The following SULF2 variants were observed in gnomAD, a reference collection of about 807,000 sequenced individuals.
SULF2 encodes the protein extracellular sulfatase Sulf-2.
In SULF2, 52 loss-of-function variants were observed where a neutral mutation model predicts 107.7. The observed-to-expected ratio is 0.48, with a 90% confidence interval of 0.39 to 0.61. SULF2 has a LOEUF of 0.61. Ranked by LOEUF, SULF2 falls within the 20% of genes least tolerant of loss-of-function variation. The pLI is 0.00. For missense variants in SULF2, 993 were observed against 1,177.3 expected (o/e 0.84, Z 2.29); for synonymous variants, 460 against 464.3 (o/e 0.99, Z 0.12).
intron 3 of SULF2, chr20:47,706,556 T>C (rs966650875): frequency 6.6e-6 from 1 of 152,212 alleles, no homozygotes; most frequent in African/African-American, 2.4e-5. Context: ...ATGGAGGGCC[T>C]GGTTAGGTCC....
chr20:47,709,089 A>C (rs886865003), intron 3 of SULF2, among the ~76,000 whole-genome samples: 17 of 152,184 alleles, frequency 1.1e-4, no homozygotes, highest in African/African-American at 4.1e-4. Flanking sequence ...TGGGAGAAGC[A>C]AATTAGCATG....
chr20:47,660,644 T>C (rs1038125018), intron 18 of SULF2, among the ~76,000 whole-genome samples: 2 of 152,142 alleles, frequency 1.3e-5, no homozygotes, highest in Non-Finnish European at 2.9e-5. Flanking sequence ...GCGACAGCTC[T>C]GTCTCCCAGG....
intron 11 of SULF2, among the ~76,000 whole-genome samples, chr20:47,671,961 C>T (rs1199271311): frequency 3.9e-5 from 6 of 152,186 alleles, no homozygotes; most frequent in East Asian, 1.9e-4. Flanking sequence ...CTGCCTGCCT[C>T]GGACTCCCAA....
chr20:47,665,182 C>G lies in SULF2; in HGVS notation c.1997+17G>C, dbSNP rs906205176. On this transcript the variant is annotated intron_variant, in intron 14 of 20. Coordinates refer to ENST00000688720, the MANE Select transcript of SULF2 (RefSeq NM_001387048.1). The stretch of plus-strand genomic sequence containing the variant: ...GGAGAGTGGGGTCTTAGGGAGGTCC[C>G]TTTGCTACTGCCTCACCTGATTTTG... The G allele has an allele frequency of 1.3e-6, 2 of 1,590,336 alleles. No homozygotes were observed. Among genetic ancestry groups the G allele is most frequent in the African/African-American group, 2.7e-5 (2 of 74,432 alleles).
chr20:47,659,588 AG>A, intron 19 of SULF2, 108 bp downstream of exon 19: 1 of 1,346,226 alleles, frequency 7.4e-7, no homozygotes, highest in African/African-American at 1.4e-5. Context: ...GGCAGACCAG[AG>A]GGAAGGGCAG....
At chr20:47,685,005 T>C (rs1319428661) in intron 5 of SULF2, 1 of 157,796 alleles carries the variant, frequency 6.3e-6, no homozygotes, top group African/African-American at 2.4e-5. Flanking sequence ...TTCCATAGCA[T>C]TGCTTTGTGT....
intron 3 of SULF2, among the ~76,000 whole-genome samples, chr20:47,733,374 T>G (rs1341905646): frequency 1.9e-4 from 29 of 152,190 alleles, no homozygotes; most frequent in Admixed American, 1.9e-3. Flanking sequence ...TTTCAATTTG[T>G]GAAACACATT....
At chr20:47,731,180 A>ATTTTTTTTTTTTTTTT (rs2089591559) in intron 3 of SULF2, among the ~76,000 whole-genome samples, 2 of 109,990 alleles carry the variant, frequency 1.8e-5, no homozygotes, top group Non-Finnish European at 3.4e-5. Flanking sequence ...ACTCACCTGT[A>ATTTTTTTTTTTTTTTT]TCTTCTCTTT....
At chr20:47,668,839 C>T (rs1197869562) in intron 11 of SULF2, among the ~76,000 whole-genome samples, 4 of 152,158 alleles carry the variant, frequency 2.6e-5, no homozygotes, top group African/African-American at 4.8e-5. Context: ...GTGCTTCTCA[C>T]CACCCTCGGC....
intron 3 of SULF2, among the ~76,000 whole-genome samples, chr20:47,735,266 T>C (rs2089701470): frequency 6.6e-6 from 1 of 152,116 alleles, no homozygotes; most frequent in Non-Finnish European, 1.5e-5. Context: ...CACCCAGAGG[T>C]TGTGAAAAGA....
At chr20:47,667,615 C>T (rs2087320003) in intron 11 of SULF2, among the ~76,000 whole-genome samples, 1 of 152,156 alleles carries the variant, frequency 6.6e-6, no homozygotes, top group Non-Finnish European at 1.5e-5. Context: ...CTGTTGGCCA[C>T]AGCCCCCGCC....
intron 20 of SULF2, among the ~76,000 whole-genome samples, chr20:47,658,785 G>A (rs555145322): frequency 6.6e-5 from 10 of 152,286 alleles, no homozygotes; most frequent in South Asian, 6.2e-4. Flanking sequence ...CACCAAGGGC[G>A]ATAATTTGCC....
intron 2 of SULF2, among the ~76,000 whole-genome samples, chr20:47,748,495 T>C (rs556129322): frequency 9.8e-4 from 150 of 152,332 alleles, no homozygotes; most frequent in African/African-American, 3.4e-3. Flanking sequence ...GTGACTTTAT[T>C]TTCAATGCAC....
At chr20:47,740,544 A>AG (rs1440166158) in intron 2 of SULF2, among the ~76,000 whole-genome samples, 1 of 152,148 alleles carries the variant, frequency 6.6e-6, no homozygotes, top group Non-Finnish European at 1.5e-5. Flanking sequence ...AGCTCCAGGC[A>AG]GGGGGTGGCA....
chr20:47,747,132 C>G (rs994288199), intron 2 of SULF2, among the ~76,000 whole-genome samples: 1 of 151,950 alleles, frequency 6.6e-6, no homozygotes, highest in Non-Finnish European at 1.5e-5. Context: ...AATAATTACA[C>G]TGGATTCTGG....
chr20:47,674,347 C>A (rs1228444830), intron 10 of SULF2, among the ~76,000 whole-genome samples: 3 of 152,244 alleles, frequency 2.0e-5, no homozygotes, highest in Non-Finnish European at 4.4e-5. Context: ...CGCAGCCCAA[C>A]TACCTGGGTT....
chr20:47,731,197 T>TTTTTTTTTTTTATTTTTATTTA (rs2089600781), intron 3 of SULF2, among the ~76,000 whole-genome samples: 1 of 105,886 alleles, frequency 9.4e-6, no homozygotes, highest in African/African-American at 3.4e-5. Context: ...CTTTTTTTTT[T>TTTTTTTTTTTTATTTTTATTTA]TTTTTTTTTT....
At chr20:47,722,552 G>A (rs147754442) in intron 3 of SULF2, among the ~76,000 whole-genome samples, 7 of 151,706 alleles carry the variant, frequency 4.6e-5, no homozygotes, top group African/African-American at 9.7e-5. Flanking sequence ...GTGAGCCACC[G>A]TGCCTGGCCT....
chr20:47,759,759 G>A (rs760989764), intron 1 of SULF2, among the ~76,000 whole-genome samples: 6 of 152,292 alleles, frequency 3.9e-5, no homozygotes, highest in Middle Eastern at 3.4e-3. Context: ...AAGAACAAAC[G>A]TCATCACCTC....
Sources: gnomAD v4.1 joint callset for allele counts (sites outside exome capture counted in the v4.1 genomes callset) on GRCh38, gnomAD v4.1.1 for gene constraint, MANE v1.5 for transcripts, NCBI Gene and HGNC (gene_info 2026-07-23, HGNC 2026-07-21) for gene names.